Variants in ZDHHC2 observed in about 807,000 individuals in gnomAD.
ZDHHC2 encodes the protein palmitoyltransferase ZDHHC2.
Under a neutral mutation model 55.6 loss-of-function variants are expected in ZDHHC2, and 51 were observed. The observed-to-expected ratio is 0.92, with a 90% CI of 0.73 to 1.16. The LOEUF is 1.16. Among genes scored for constraint, ZDHHC2 ranks in the 50% most tolerant of loss-of-function variants. The pLI is 0.00. For synonymous variants in ZDHHC2, 199 were observed against 152.9 expected (o/e 1.30, Z -2.22); for missense variants, 491 against 442.4 (o/e 1.11, Z -0.99).
intron 6 of ZDHHC2, among the ~76,000 whole-genome samples, chr8:17,202,144 T>C (rs1013825606): frequency 1.9e-4 from 29 of 152,246 alleles, no homozygotes; most frequent in African/African-American, 6.3e-4. Context: ...CTTCAGTTTA[T>C]TGAGTGCCGG....
At chr8:17,219,189 G>T (rs1585749418) in intron 12 of ZDHHC2, among the ~76,000 whole-genome samples, 1 of 133,330 alleles carries the variant, frequency 7.5e-6, no homozygotes, top group African/African-American at 2.8e-5. Flanking sequence ...GGCAGAGGTT[G>T]CAGTGAGCCA....
chr8:17,199,971 G>T (rs1336819751), intron 6 of ZDHHC2, among the ~76,000 whole-genome samples: 1 of 151,958 alleles, frequency 6.6e-6, no homozygotes, highest in Admixed American at 6.6e-5. Context: ...TGGCCAGGCT[G>T]GTCTCGAACT....
At chr8:17,205,135 T>TA (rs1220043749) in intron 6 of ZDHHC2, among the ~76,000 whole-genome samples, 30 of 152,354 alleles carry the variant, frequency 2.0e-4, no homozygotes, top group African/African-American at 7.2e-4. Flanking sequence ...CCCAGCTGTC[T>TA]AACTGCCAGG....
intron 12 of ZDHHC2, among the ~76,000 whole-genome samples, chr8:17,220,012 C>T (rs1339963753): frequency 1.4e-5 from 2 of 138,968 alleles, no homozygotes; most frequent in African/African-American, 5.4e-5. Context: ...TTATCCTAGA[C>T]CTACTGAATC....
Position 17,210,017 on chromosome 8 carries a change from T to G in ZDHHC2, c.816T>G (p.Phe272Leu). Residue 272 changes from phenylalanine to leucine, a missense_variant, in exon 9 of 13, where the codon TTT becomes TTG. Coordinates refer to ENST00000262096, the MANE Select transcript of ZDHHC2 (RefSeq NM_016353.5). The part of the protein sequence containing the change: ...LGFSKNMRQV[F>L]GDEKKYWLLP... ...TCAGTAAAAACATGCGACAAGTTTT[T>G]GGTGATGAGAAGAAGTACTGGTTGC... is the stretch of plus-strand genomic sequence containing the variant. 1 of 1,609,182 alleles carries G rather than the reference T, an allele frequency of 6.2e-7. No individual in the cohort carries two copies. The highest frequency in any genetic ancestry group is 8.5e-7 in the Non-Finnish European group (1 of 1,177,364).
chr8:17,217,120 G>C, intron 11 of ZDHHC2, 52 bp from the exon 12 acceptor site: 2 of 1,577,542 alleles, frequency 1.3e-6, no homozygotes, highest in Non-Finnish European at 1.7e-6. Context: ...AGAAGTTTCT[G>C]CCTATTTGTT....
chr8:17,163,998 A>C lies in ZDHHC2; in HGVS notation c.130+7145A>C, dbSNP rs1411605746. 3.3e-5 allele frequency among the ~76,000 whole-genome samples: 5 copies of C among 152,336 alleles called. No homozygotes were observed. In the South Asian group the frequency reaches 6.2e-4, roughly 19 times the overall value. ...AATTGTCTTGATTGTTGTTTCAATCAAATGGCAGTAGTGAAAAGGGCGAAA... is the reference window on the plus strand; with the variant it reads ...AATTGTCTTGATTGTTGTTTCAATCCAATGGCAGTAGTGAAAAGGGCGAAA... On this transcript the variant is annotated intron_variant, in intron 1 of 12. Coordinates refer to ENST00000262096, the MANE Select transcript of ZDHHC2 (RefSeq NM_016353.5).
Position 17,184,813 on chromosome 8 carries a change from A to C in ZDHHC2, c.155A>C (p.Gln52Pro). Residue 52 changes from glutamine to proline, a missense_variant and splice_region_variant, in exon 2 of 13, where the codon CAA becomes CCA. Transcript: ENST00000262096. ...CIVSMENTGE[Q>P]VVCLMAYHLL... is the part of the protein sequence containing the mutation. ...GTGTCCATGGAAAACACTGGCGAAC[A>C]AGGTAAGCTAGATTATATTAATGTT... 1 of 1,548,878 alleles carries C rather than the reference A, an allele frequency of 6.5e-7. No individual in the cohort carries two copies. Among genetic ancestry groups the C allele is most frequent in the Non-Finnish European group, 8.7e-7 (1 of 1,145,742 alleles).
intron 6 of ZDHHC2, among the ~76,000 whole-genome samples, chr8:17,202,309 C>CTCCT (rs5889704): frequency 0.73 from 110,168 of 151,576 alleles, 42,045 homozygotes; most frequent in Non-Finnish European, 0.87. Context: ...CAACCTCCAC[C>CTCCT]TCCTGGGTAT....
At chr8:17,191,081 C>T (rs934933257) in intron 3 of ZDHHC2, among the ~76,000 whole-genome samples, 3 of 150,966 alleles carry the variant, frequency 2.0e-5, no homozygotes, top group African/African-American at 7.3e-5. Context: ...CCTGCCTCAG[C>T]CTCCCAAGTA....
intron 10 of ZDHHC2, among the ~76,000 whole-genome samples, chr8:17,214,740 T>C (rs1436845383): frequency 1.3e-5 from 2 of 151,916 alleles, no homozygotes; most frequent in African/African-American, 2.4e-5. Context: ...GAGTCCACTC[T>C]ACAAAAAATA....
intron 3 of ZDHHC2, among the ~76,000 whole-genome samples, chr8:17,194,530 C>T (rs1156918080): frequency 6.6e-6 from 1 of 151,798 alleles, no homozygotes; most frequent in Non-Finnish European, 1.5e-5. Context: ...TCCTGCGTTT[C>T]TGTTATTCTT....
At chr8:17,200,878 C>G (rs1164558583) in intron 6 of ZDHHC2, among the ~76,000 whole-genome samples, 1 of 152,088 alleles carries the variant, frequency 6.6e-6, no homozygotes, top group African/African-American at 2.4e-5. Flanking sequence ...ACCTTTTAAC[C>G]TGTGTCGTTG....
rs151158899 is a variant in ZDHHC2, at chr8:17,174,296, G to A, written c.131-10493G>A. ...AAATTTTTTATCTCCATCTTCTAGA[G>A]TCCAGAAATGTGAGAACATAGATTT... On this transcript the variant is annotated intron_variant, in intron 1 of 12. Transcript: ENST00000262096. Among the ~76,000 whole-genome samples, 722 of 152,178 alleles carry A rather than the reference G, an allele frequency of 4.7e-3. 3 individuals are homozygous for A. Among genetic ancestry groups the A allele is most frequent in the Admixed American group, 0.011 (174 of 15,284 alleles).
At chr8:17,184,274 G>A (rs569059056) in intron 1 of ZDHHC2, among the ~76,000 whole-genome samples, 4 of 152,298 alleles carry the variant, frequency 2.6e-5, no homozygotes, top group South Asian at 2.1e-4. Context: ...CTGGCCTTTC[G>A]TTGTGCAACA....
chr8:17,212,339 T>A (rs1026847685), intron 10 of ZDHHC2, among the ~76,000 whole-genome samples: 1 of 152,136 alleles, frequency 6.6e-6, no homozygotes, highest in South Asian at 2.1e-4. Flanking sequence ...AACTTTGAAT[T>A]TGATTCCCAG....
At chr8:17,182,885 C>T (rs1357065186) in intron 1 of ZDHHC2, among the ~76,000 whole-genome samples, 1 of 152,104 alleles carries the variant, frequency 6.6e-6, no homozygotes, top group East Asian at 1.9e-4. Context: ...CCTCAGCCTC[C>T]AAGTAGCTGG....
At chr8:17,166,449 G>A (rs1804604172) in intron 1 of ZDHHC2, among the ~76,000 whole-genome samples, 1 of 152,200 alleles carries the variant, frequency 6.6e-6, no homozygotes, top group African/African-American at 2.4e-5. Flanking sequence ...TGGGTGTGCT[G>A]TCATGAAATA....
intron 12 of ZDHHC2, among the ~76,000 whole-genome samples, chr8:17,219,781 A>AAAAAC (rs577708100): frequency 3.2e-3 from 493 of 152,252 alleles, no homozygotes; most frequent in Non-Finnish European, 6.1e-3. Flanking sequence ...CCCTGTCTCA[A>AAAAAC]AAAACAAAAC....
Sources: gnomAD v4.1 joint callset for allele counts (sites outside exome capture counted in the v4.1 genomes callset) on GRCh38, gnomAD v4.1.1 for gene constraint, MANE v1.5 for transcripts, NCBI Gene and HGNC (gene_info 2026-07-23, HGNC 2026-07-21) for gene names.